The following NAALADL2 variants were observed in gnomAD, a reference collection of about 807,000 sequenced individuals.
NAALADL2 encodes inactive N-acetylated-alpha-linked acidic dipeptidase-like protein 2.
In NAALADL2, 76 loss-of-function variants were observed where a neutral mutation model predicts 87.2. The ratio of observed to expected loss-of-function variants is 0.87; its 90% confidence interval spans 0.72 to 1.05. The LOEUF (loss-of-function observed/expected upper bound fraction) is 1.05. Ranked by LOEUF, NAALADL2 falls within the 50% of genes least tolerant of loss-of-function variation. The pLI, the probability that NAALADL2 is intolerant of heterozygous loss-of-function variation, is 0.00. For synonymous variants in NAALADL2, 354 were observed against 331.0 expected (o/e 1.07, Z -0.75); for missense variants, 1,089 against 945.8 (o/e 1.15, Z -1.99).
At chr3:175,240,304 T>C (rs1746614624) in intron 3 of NAALADL2, among the ~76,000 whole-genome samples, 1 of 152,224 alleles carries the variant, frequency 6.6e-6, no homozygotes, top group Non-Finnish European at 1.5e-5. Flanking sequence ...ACGTATGAAA[T>C]CTGAGCACTG....
At chr3:175,313,213 C>A (rs1758607899) in intron 4 of NAALADL2, among the ~76,000 whole-genome samples, 1 of 152,074 alleles carries the variant, frequency 6.6e-6, no homozygotes, top group South Asian at 2.1e-4. Flanking sequence ...TTAATTACTT[C>A]TTTAAAGGTC....
chr3:175,779,856 G>T (rs896608144), intron 13 of NAALADL2, among the ~76,000 whole-genome samples: 1 of 152,132 alleles, frequency 6.6e-6, no homozygotes, highest in African/African-American at 2.4e-5. Flanking sequence ...TTTGTTTAGT[G>T]TGGAATGTCT....
chr3:175,531,221 C>G (rs542198951), intron 9 of NAALADL2, among the ~76,000 whole-genome samples: 1 of 152,072 alleles, frequency 6.6e-6, no homozygotes, highest in Non-Finnish European at 1.5e-5. Flanking sequence ...AATAACACAC[C>G]GAGATGAGGA....
At chr3:175,164,280 T>C (rs1237359404) in intron 2 of NAALADL2, among the ~76,000 whole-genome samples, 1 of 150,366 alleles carries the variant, frequency 6.7e-6, no homozygotes, top group Non-Finnish European at 1.5e-5. Flanking sequence ...TATATGTGTA[T>C]ATATATATAT....
chr3:174,564,367 A>C lies in NAALADL2; in HGVS notation c.-115+13730A>C, dbSNP rs115760550. Among the ~76,000 whole-genome samples, 11 of 152,208 alleles carry C rather than the reference A, an allele frequency of 7.2e-5. No homozygotes were observed. The South Asian group carries it at 2.3e-3, about 32-fold the overall frequency. On this transcript the variant is annotated intron_variant, in intron 2 of 3. Coordinates refer to the NAALADL2 transcript ENST00000434257. ...TCTTTCTAAGTTAGGACACAGAATA[A>C]AAGGAGGAGGATGTCAGTGAGGGTA...
chr3:175,166,561 C>G (rs868635351), intron 2 of NAALADL2, among the ~76,000 whole-genome samples: 1 of 132,966 alleles, frequency 7.5e-6, no homozygotes, highest in South Asian at 2.5e-4. Context: ...TTGCAAAACA[C>G]CACACATTTT....
intron 1 of NAALADL2, among the ~76,000 whole-genome samples, chr3:174,878,964 G>A (rs1285354765): frequency 6.6e-6 from 1 of 151,996 alleles, no homozygotes; most frequent in African/African-American, 2.4e-5. Context: ...CTGTATTACT[G>A]TCTTTCTTCA....
chr3:174,839,871 G>A (rs569103645), intron 3 of NAALADL2, among the ~76,000 whole-genome samples: 6 of 151,960 alleles, frequency 3.9e-5, no homozygotes, highest in African/African-American at 9.6e-5. Flanking sequence ...GCATGGATGC[G>A]GTGAACAGGG....
intron 13 of NAALADL2, among the ~76,000 whole-genome samples, chr3:175,762,192 A>ATTTTTTTTTTTTTTTTTTT (rs55668165): frequency 1.8e-5 from 2 of 114,168 alleles, no homozygotes; most frequent in African/African-American, 3.4e-5. Flanking sequence ...CTGTGTTTCG[A>ATTTTTTTTTTTTTTTTTTT]TTTTTTTTTT....
At chr3:174,797,577 A>C (rs74552922) in intron 3 of NAALADL2, among the ~76,000 whole-genome samples, 16 of 151,726 alleles carry the variant, frequency 1.1e-4, no homozygotes, top group African/African-American at 3.9e-4. Context: ...CTTCCATGCT[A>C]TCTCTGCTAT....
chr3:175,503,133 T>A (rs577238435), intron 9 of NAALADL2, among the ~76,000 whole-genome samples: 1 of 152,174 alleles, frequency 6.6e-6, no homozygotes, highest in African/African-American at 2.4e-5. Flanking sequence ...TTCTGTTTGT[T>A]CATATGTACT....
intron 9 of NAALADL2, among the ~76,000 whole-genome samples, chr3:175,544,818 G>A (rs1056705069): frequency 2.0e-5 from 3 of 152,006 alleles, no homozygotes; most frequent in African/African-American, 7.2e-5. Context: ...ACCTAGCCAA[G>A]ATTTTTCTGC....
chr3:175,741,419 T>C (rs1745221959), intron 12 of NAALADL2, among the ~76,000 whole-genome samples: 3 of 152,006 alleles, frequency 2.0e-5, no homozygotes, highest in Admixed American at 2.0e-4. Context: ...ACTTTAGGGG[T>C]TAGATTTAAA....
intron 3 of NAALADL2, among the ~76,000 whole-genome samples, chr3:174,823,240 C>CTT (rs946469009): frequency 6.8e-6 from 1 of 147,852 alleles, no homozygotes; most frequent in Non-Finnish European, 1.5e-5. Context: ...CTTTCCTCTT[C>CTT]TTTTTTTTTT....
chr3:174,886,265 G>A (rs955424892), intron 1 of NAALADL2, among the ~76,000 whole-genome samples: 1 of 152,038 alleles, frequency 6.6e-6, no homozygotes, highest in African/African-American at 2.4e-5. Context: ...AGGGCAGGAA[G>A]CATCCAGCAC....
intron 11 of NAALADL2, among the ~76,000 whole-genome samples, chr3:175,653,308 T>C (rs867655890): frequency 1.3e-5 from 2 of 152,182 alleles, no homozygotes; most frequent in Non-Finnish European, 2.9e-5. Flanking sequence ...CCATTTTCTT[T>C]AGTTTCAGGG....
At chr3:174,568,313 A>T (rs1714529502) in intron 2 of NAALADL2, among the ~76,000 whole-genome samples, 1 of 151,974 alleles carries the variant, frequency 6.6e-6, no homozygotes, top group South Asian at 2.1e-4. Context: ...AATTTTTAGA[A>T]GTAAAAGAAA....
intron 2 of NAALADL2, among the ~76,000 whole-genome samples, chr3:175,175,583 A>C (rs1257213062): frequency 6.6e-6 from 1 of 152,070 alleles, no homozygotes; most frequent in East Asian, 1.9e-4. Flanking sequence ...TGTAGTTTTA[A>C]AAAAATTATT....
chr3:174,786,475 A>C (rs1716682584), intron 3 of NAALADL2, among the ~76,000 whole-genome samples: 1 of 142,508 alleles, frequency 7.0e-6, no homozygotes, highest in South Asian at 2.3e-4. Flanking sequence ...AATAATAAAT[A>C]AATGAAAAGG....
Sources: allele counts gnomAD v4.1 joint callset (sites outside exome capture counted in the v4.1 genomes callset), GRCh38; gene constraint gnomAD v4.1.1; transcripts MANE v1.5; gene names NCBI Gene and HGNC (gene_info 2026-07-23, HGNC 2026-07-21).